The following ZDHHC15 variants were observed in gnomAD, a reference collection of about 807,000 sequenced individuals.
ZDHHC15 encodes the protein palmitoyltransferase ZDHHC15.
ZDHHC15 carries 19 observed loss-of-function variants against 31.7 expected under a neutral mutation model. The observed-to-expected ratio is 0.60, with a 90% CI of 0.42 to 0.88. ZDHHC15 has a LOEUF of 0.88. ZDHHC15 is among the 40% of genes least tolerant of loss of function. The pLI is 0.00. For missense variants in ZDHHC15, 209 were observed against 251.2 expected, an observed-to-expected ratio of 0.83 and a Z score of 1.14; for synonymous variants, 103 against 90.0, an observed-to-expected ratio of 1.14 and a Z score of -0.82.
chrX:75,464,835 C>T (rs2084376965), intron 3 of ZDHHC15, among the ~76,000 whole-genome samples: 3 of 111,614 alleles, frequency 2.7e-5, no homozygotes, highest in Admixed American at 1.9e-4. Context: ...TATCACAAAG[C>T]CACAGGTAAT....
intron 2 of ZDHHC15, among the ~76,000 whole-genome samples, chrX:75,505,061 T>C (rs917820699): frequency 1.9e-4 from 21 of 111,717 alleles, no homozygotes; most frequent in African/African-American, 6.8e-4. Context: ...CTCACACTTT[T>C]GTATACTATG....
At chrX:75,493,051 A>G (rs2148015701) in intron 2 of ZDHHC15, among the ~76,000 whole-genome samples, 1 of 112,106 alleles carries the variant, frequency 8.9e-6, no homozygotes, top group South Asian at 3.7e-4. Flanking sequence ...CTAATAAAGA[A>G]GAAAAGAGAG....
chrX:75,501,645 C>A (rs1042641022), intron 2 of ZDHHC15: 1 of 110,783 alleles, frequency 9.0e-6, no homozygotes, highest in Non-Finnish European at 1.9e-5. Flanking sequence ...TAATAGTAGC[C>A]ATTCTGAGAT....
intron 3 of ZDHHC15, among the ~76,000 whole-genome samples, chrX:75,472,463 T>A (rs964977161): frequency 4.5e-5 from 5 of 112,131 alleles, no homozygotes; most frequent in African/African-American, 1.6e-4. Context: ...TCATGGGCTG[T>A]AGCCAATGGT....
At chrX:75,384,847 T>C in intron 10 of ZDHHC15, 1 of 572,121 alleles carries the variant, frequency 1.7e-6, no homozygotes, top group African/African-American at 2.2e-5. Context: ...AAAAAATAAA[T>C]AAAAGACATC....
At chrX:75,519,128 G>T (rs2148079139) in intron 1 of ZDHHC15, among the ~76,000 whole-genome samples, 1 of 109,797 alleles carries the variant, frequency 9.1e-6, no homozygotes, top group African/African-American at 3.3e-5. Flanking sequence ...CTACATAGAG[G>T]TGATGGCTGC....
chrX:75,440,045 T>C (rs2083916554), intron 4 of ZDHHC15, among the ~76,000 whole-genome samples: 1 of 111,858 alleles, frequency 8.9e-6, no homozygotes, highest in South Asian at 3.8e-4. Flanking sequence ...CAGTCATGGA[T>C]ACCAGCACCT....
intron 1 of ZDHHC15, among the ~76,000 whole-genome samples, chrX:75,518,118 C>T (rs1325607790): frequency 1.7e-5 from 1 of 57,772 alleles, no homozygotes; most frequent in Admixed American, 1.8e-4. Flanking sequence ...AAAGCATAGG[C>T]AACAAAAGAA....
rs1242267582 is a variant in ZDHHC15 at position 75,400,169 on chromosome X, G to T, written c.967+16918C>A. On this transcript the variant is annotated intron_variant, in intron 10 of 11. Transcript: ENST00000373367. ...AGACGTAGAATTCGGAATATGCATA[G>T]GAACAAAAATCATCAAGATTCAGGA... is the stretch of plus-strand genomic sequence containing the variant. Among the ~76,000 whole-genome samples the T allele has an allele frequency of 2.7e-5, 3 of 111,355 alleles. No individual in the cohort carries two copies. The East Asian group carries it at 8.5e-4, about 31-fold the overall frequency.
chrX:75,522,752 G>C (rs2085460397), intron 1 of ZDHHC15, 137 bp downstream of exon 1: 2 of 855,310 alleles, frequency 2.3e-6, no homozygotes, highest in Non-Finnish European at 3.2e-6. Context: ...AGAGGCTGGG[G>C]ACAAGGAACT....
intron 1 of ZDHHC15, among the ~76,000 whole-genome samples, chrX:75,518,802 TATATACACAC>T (rs1278051452): frequency 0.011 from 248 of 23,608 alleles, no homozygotes; most frequent in Non-Finnish European, 0.013. Flanking sequence ...TATATATATA[TATATACACAC>T]ACACACACAC....
chrX:75,475,334 T>TC (rs1465422353), intron 3 of ZDHHC15, among the ~76,000 whole-genome samples: 2 of 111,001 alleles, frequency 1.8e-5, no homozygotes, highest in African/African-American at 3.3e-5. Flanking sequence ...GGATTTTTTT[T>TC]CTAAGTTTTA....
chrX:75,423,391 T>C (rs751221251), intron 8 of ZDHHC15, among the ~76,000 whole-genome samples: 1 of 106,807 alleles, frequency 9.4e-6, no homozygotes, highest in South Asian at 4.4e-4. Context: ...GTTCCATTCT[T>C]TGTGTTTACG....
intron 2 of ZDHHC15, among the ~76,000 whole-genome samples, chrX:75,486,845 A>G (rs1218885443): frequency 1.8e-5 from 2 of 111,163 alleles, no homozygotes; most frequent in African/African-American, 3.3e-5. Context: ...GCCCCACCCA[A>G]GGAGAGTCTG....
intron 2 of ZDHHC15, among the ~76,000 whole-genome samples, chrX:75,500,714 C>A (rs1335128535): frequency 9.2e-6 from 1 of 108,929 alleles, no homozygotes; most frequent in African/African-American, 3.3e-5. Context: ...TTTATCTGAT[C>A]TCTAAACCTT....
At chrX:75,417,798 T>C (rs772611853) in intron 9 of ZDHHC15, among the ~76,000 whole-genome samples, 1 of 111,712 alleles carries the variant, frequency 9.0e-6, no homozygotes, top group South Asian at 3.8e-4. Flanking sequence ...TTCTGGCCAC[T>C]AACAGATGGG....
At chrX:75,377,354 G>A (rs201049940) in intron 11 of ZDHHC15, among the ~76,000 whole-genome samples, 2 of 109,893 alleles carry the variant, frequency 1.8e-5, no homozygotes, top group African/African-American at 6.6e-5. Flanking sequence ...AAAAGCAGCC[G>A]GGCGTGGTGG....
At chrX:75,448,704 T>G (rs2084067874) in intron 4 of ZDHHC15, among the ~76,000 whole-genome samples, 1 of 111,421 alleles carries the variant, frequency 9.0e-6, no homozygotes, top group Non-Finnish European at 1.9e-5. Context: ...ACCTTGTTAT[T>G]GTCTTTAAGT....
At chrX:75,444,240 T>C (rs949106639) in intron 4 of ZDHHC15, among the ~76,000 whole-genome samples, 1 of 109,964 alleles carries the variant, frequency 9.1e-6, no homozygotes, top group Non-Finnish European at 1.9e-5. Context: ...AATGATAGAC[T>C]GGATTAAGAA....
Sources: gnomAD v4.1 joint callset for allele counts (sites outside exome capture counted in the v4.1 genomes callset) on GRCh38, gnomAD v4.1.1 for gene constraint, MANE v1.5 for transcripts, NCBI Gene and HGNC (gene_info 2026-07-23, HGNC 2026-07-21) for gene names.